Variants in BCL2L13 observed in about 807,000 individuals in gnomAD.
The protein encoded by BCL2L13 is bcl-2-like protein 13.
Under a neutral mutation model 25.8 loss-of-function variants are expected in BCL2L13, and 13 were observed. The ratio of observed to expected loss-of-function variants is 0.50; its 90% confidence interval spans 0.33 to 0.80. The LOEUF is 0.80. BCL2L13 is among the 30% of genes least tolerant of loss of function. The pLI is 0.02. For synonymous variants in BCL2L13, 244 were observed against 230.3 expected (o/e 1.06, Z -0.54); for missense variants, 504 against 574.9 (o/e 0.88, Z 1.26).
At chr22:17,707,633 A>G (rs1004124322) in intron 6 of BCL2L13, among the ~76,000 whole-genome samples, 3 of 152,218 alleles carry the variant, frequency 2.0e-5, no homozygotes, top group Non-Finnish European at 4.4e-5. Context: ...GTATTATCCA[A>G]AACAGCTCTT....
At position 17,702,284 on chromosome 22, in the gene BCL2L13, A is replaced by G; in HGVS notation, c.498A>G (p.Glu166=). The G allele has an allele frequency of 1.2e-6, 2 of 1,610,252 alleles. No homozygotes were observed. Among genetic ancestry groups the G allele is most frequent in the Non-Finnish European group, 1.7e-6 (2 of 1,178,312 alleles). The change falls in exon 6 of 7, where the codon GAA becomes GAG. Residue 166 remains glutamate (E), a synonymous_variant. Transcript: ENST00000317582. ...PLVLLRQMLL[E]LTRRGQEPLS... Reference sequence around the variant, plus strand: ...TTTTGCTACGACAAATGCTTTTGGAATTGACAAGACGTGGTCAAGAACCTT... The same window carrying G: ...TTTTGCTACGACAAATGCTTTTGGAGTTGACAAGACGTGGTCAAGAACCTT...
upstream of BCL2L13, among the ~76,000 whole-genome samples, chr22:17,637,944 T>C (rs1181959429): frequency 2.6e-5 from 4 of 152,020 alleles, no homozygotes; most frequent in Non-Finnish European, 5.9e-5. Context: ...AAAAAGAAAC[T>C]CTGTATCCAC....
intron 2 of BCL2L13, among the ~76,000 whole-genome samples, chr22:17,676,058 AAT>A (rs759770494): frequency 3.9e-5 from 6 of 152,226 alleles, no homozygotes; most frequent in Non-Finnish European, 8.8e-5. Flanking sequence ...ATAATTATCT[AAT>A]AATACAATTT....
intron 2 of BCL2L13, among the ~76,000 whole-genome samples, chr22:17,668,705 T>G (rs1463023852): frequency 6.6e-6 from 1 of 152,184 alleles, no homozygotes; most frequent in Admixed American, 6.6e-5. Flanking sequence ...GACCTCGTGA[T>G]CCACCTGCCT....
intron 2 of BCL2L13, among the ~76,000 whole-genome samples, chr22:17,657,823 C>CTTGTTTTTTTTTT (rs2058927731): frequency 1.2e-5 from 1 of 85,772 alleles, no homozygotes; most frequent in Non-Finnish European, 2.1e-5. Context: ...GTTGACATTT[C>CTTGTTTTTTTTTT]TTTTTTTTTT....
At chr22:17,706,913 G>A (rs1568997921) in intron 6 of BCL2L13, 9 of 1,033,816 alleles carry the variant, frequency 8.7e-6, no homozygotes, top group Non-Finnish European at 1.2e-5. Context: ...AAGATTACTG[G>A]AGGGAATGTC....
upstream of BCL2L13, among the ~76,000 whole-genome samples, chr22:17,635,812 T>C (rs1297889913): frequency 1.3e-5 from 2 of 151,536 alleles, no homozygotes; most frequent in African/African-American, 2.4e-5. Flanking sequence ...CGGGTTCAAG[T>C]GATTCTTCTG....
intron 1 of BCL2L13, among the ~76,000 whole-genome samples, chr22:17,647,235 A>G (rs1298755224): frequency 2.0e-5 from 3 of 151,298 alleles, no homozygotes; most frequent in Non-Finnish European, 4.4e-5. Context: ...TGGCCTCCCA[A>G]AGTTCTGGGG....
At chr22:17,715,262 A>C (rs1324236131) in intron 6 of BCL2L13, among the ~76,000 whole-genome samples, 1 of 133,850 alleles carries the variant, frequency 7.5e-6, no homozygotes, top group Admixed American at 8.2e-5. Flanking sequence ...GCTCACTACA[A>C]CCTCCACTTC....
At chr22:17,679,839 T>C (rs1412652184) in intron 2 of BCL2L13, among the ~76,000 whole-genome samples, 1 of 152,080 alleles carries the variant, frequency 6.6e-6, no homozygotes, top group African/African-American at 2.4e-5. Context: ...TTTTTCCCCT[T>C]ATTACCAACC....
At position 17,729,078 on chromosome 22, in the gene BCL2L13, T is replaced by G. The variant is rs2061361546; in HGVS notation, c.*1544T>G. 1 of 152,270 alleles carries G rather than the reference T, an allele frequency of 6.6e-6. No homozygotes were observed. Among genetic ancestry groups the G allele is most frequent in the African/African-American group, 2.4e-5 (1 of 41,472 alleles). 9.4% of individuals were successfully genotyped at this position (152,270 alleles called of 1,614,324 possible). A position where few individuals can be genotyped will look rare whatever the true frequency, so the allele number is the denominator to read the frequency against. On this transcript the variant is annotated 3_prime_UTR_variant, in exon 7 of 7. Coordinates refer to ENST00000317582, the MANE Select transcript of BCL2L13 (RefSeq NM_015367.4). ...CTTAGATTTATCTTAGTAAATGTAA[T>G]AAATTATTTTTTAGATCTTGAAATT...
At chr22:17,707,377 T>C (rs867318032) in intron 6 of BCL2L13, among the ~76,000 whole-genome samples, 20 of 152,214 alleles carry the variant, frequency 1.3e-4, no homozygotes, top group African/African-American at 4.8e-4. Context: ...AGCAGTGATC[T>C]GTTTCCATTT....
At chr22:17,715,014 A>G (rs1358265131) in intron 6 of BCL2L13, among the ~76,000 whole-genome samples, 3 of 150,862 alleles carry the variant, frequency 2.0e-5, no homozygotes, top group African/African-American at 4.9e-5. Context: ...TGTTTCATCA[A>G]TGTGGGCAAA....
intron 1 of BCL2L13, among the ~76,000 whole-genome samples, chr22:17,646,070 G>A (rs1252365074): frequency 6.6e-6 from 1 of 151,414 alleles, no homozygotes; most frequent in Non-Finnish European, 1.5e-5. Flanking sequence ...AGGAACTTGA[G>A]CATCTGAGGA....
intron 2 of BCL2L13, among the ~76,000 whole-genome samples, chr22:17,657,068 C>G (rs754751289): frequency 1.3e-5 from 2 of 152,208 alleles, no homozygotes; most frequent in East Asian, 3.9e-4. Context: ...ATCTGCCCGC[C>G]TTGGCCTCTC....
chr22:17,671,583 T>G (rs972700616), intron 2 of BCL2L13, among the ~76,000 whole-genome samples: 16 of 151,754 alleles, frequency 1.1e-4, no homozygotes, highest in Non-Finnish European at 2.2e-4. Flanking sequence ...AAAAAAAATC[T>G]TGCTCCTTTA....
At chr22:17,655,108 A>T (rs141916421) in intron 1 of BCL2L13, among the ~76,000 whole-genome samples, 1 of 151,962 alleles carries the variant, frequency 6.6e-6, no homozygotes, top group East Asian at 1.9e-4. Flanking sequence ...CCTAAAAACT[A>T]AGACACAAAC....
At chr22:17,653,635 A>T (rs1221334109) in intron 1 of BCL2L13, among the ~76,000 whole-genome samples, 1 of 151,034 alleles carries the variant, frequency 6.6e-6, no homozygotes, top group Non-Finnish European at 1.5e-5. Flanking sequence ...CTCCCAAGTA[A>T]CTAGGACTAC....
chr22:17,662,457 G>A (rs1289445126), intron 2 of BCL2L13, among the ~76,000 whole-genome samples: 3 of 152,090 alleles, frequency 2.0e-5, no homozygotes, highest in East Asian at 1.9e-4. Flanking sequence ...CAGCCTAGGC[G>A]ACAGAGTGAG....
Sources: gnomAD v4.1 joint callset for allele counts (sites outside exome capture counted in the v4.1 genomes callset) on GRCh38, gnomAD v4.1.1 for gene constraint, MANE v1.5 for transcripts, NCBI Gene and HGNC (gene_info 2026-07-23, HGNC 2026-07-21) for gene names.